NKAIN2: variants seen among roughly 807,000 people sequenced by gnomAD.
The protein encoded by NKAIN2 is sodium/potassium transporting ATPase interacting 2.
A neutral mutation model predicts 32.6 loss-of-function variants in NKAIN2; 14 were observed. The ratio of observed to expected loss-of-function variants is 0.43; its 90% CI spans 0.28 to 0.67. NKAIN2 has a LOEUF of 0.67. NKAIN2 is among the 30% of genes least tolerant of loss of function. The pLI is 0.17. For missense variants in NKAIN2, 198 were observed against 258.3 expected, an observed-to-expected ratio of 0.77 and a Z score of 1.60; for synonymous variants, 80 against 87.2, an observed-to-expected ratio of 0.92 and a Z score of 0.46.
chr6:124,610,040 C>T (rs1782635762), intron 3 of NKAIN2, among the ~76,000 whole-genome samples: 1 of 152,110 alleles, frequency 6.6e-6, no homozygotes, highest in South Asian at 2.1e-4. Context: ...TATTATCACT[C>T]ACGACCTCCT....
intron 4 of NKAIN2, among the ~76,000 whole-genome samples, chr6:124,676,339 A>AT (rs1376616611): frequency 6.6e-6 from 1 of 151,964 alleles, no homozygotes; most frequent in Non-Finnish European, 1.5e-5. Context: ...TTTTAGCTCC[A>AT]TTTTGTCTAT....
chr6:124,482,234 C>A (rs1777482480), intron 3 of NKAIN2, among the ~76,000 whole-genome samples: 2 of 152,122 alleles, frequency 1.3e-5, no homozygotes, highest in South Asian at 4.1e-4. Flanking sequence ...CTCTAACATT[C>A]TTTGTGAGCC....
chr6:124,112,563 T>C (rs139370282), intron 1 of NKAIN2, among the ~76,000 whole-genome samples: 2 of 152,256 alleles, frequency 1.3e-5, no homozygotes, highest in Non-Finnish European at 2.9e-5. Context: ...ATTTGTCTTA[T>C]TGATGTTCTT....
At chr6:124,649,071 C>G (rs1048236622) in intron 3 of NKAIN2, among the ~76,000 whole-genome samples, 1 of 151,692 alleles carries the variant, frequency 6.6e-6, no homozygotes, top group African/African-American at 2.4e-5. Context: ...ATTTATCACT[C>G]TAGGAAAAAA....
At chr6:124,341,384 A>G (rs984140324) in intron 2 of NKAIN2, among the ~76,000 whole-genome samples, 2 of 152,186 alleles carry the variant, frequency 1.3e-5, no homozygotes, top group African/African-American at 4.8e-5. Flanking sequence ...AACACATATT[A>G]AACCATATAT....
chr6:124,302,301 T>C (rs1221960564), intron 2 of NKAIN2, among the ~76,000 whole-genome samples: 1 of 152,260 alleles, frequency 6.6e-6, no homozygotes, highest in Admixed American at 6.5e-5. Flanking sequence ...CACAGGTATG[T>C]CTTTATTAGC....
At chr6:124,220,905 A>G (rs1259757241) in intron 1 of NKAIN2, among the ~76,000 whole-genome samples, 1 of 152,164 alleles carries the variant, frequency 6.6e-6, no homozygotes, top group East Asian at 1.9e-4. Flanking sequence ...ACGTATTTAG[A>G]TTCAAAATCT....
At chr6:124,332,656 G>T (rs965328869) in intron 2 of NKAIN2, among the ~76,000 whole-genome samples, 7 of 151,906 alleles carry the variant, frequency 4.6e-5, no homozygotes, top group Non-Finnish European at 1.0e-4. Context: ...GATACAAAAA[G>T]TAATCCCAGT....
chr6:124,687,338 TA>T (rs1447970336), intron 4 of NKAIN2, among the ~76,000 whole-genome samples: 1 of 136,778 alleles, frequency 7.3e-6, no homozygotes, highest in African/African-American at 2.6e-5. Flanking sequence ...ATTCCATACA[TA>T]TACATATAAT....
intron 3 of NKAIN2, among the ~76,000 whole-genome samples, chr6:124,580,740 G>T (rs533297427): frequency 3.3e-5 from 5 of 152,032 alleles, no homozygotes; most frequent in Admixed American, 6.6e-5. Context: ...AAAACAAGAC[G>T]CAGTGGTTTG....
chr6:124,108,712 T>A (rs1473216211), intron 1 of NKAIN2, among the ~76,000 whole-genome samples: 1 of 152,068 alleles, frequency 6.6e-6, no homozygotes, highest in Non-Finnish European at 1.5e-5. Context: ...TAAGTTGATT[T>A]TTGTCTATCA....
At chr6:124,675,975 G>A (rs1349905804) in intron 4 of NKAIN2, among the ~76,000 whole-genome samples, 1 of 151,806 alleles carries the variant, frequency 6.6e-6, no homozygotes, top group Non-Finnish European at 1.5e-5. Flanking sequence ...ACTGTAAACT[G>A]CTTTCTTCAT....
intron 5 of NKAIN2, among the ~76,000 whole-genome samples, chr6:124,805,234 G>GC (rs1780480448): frequency 6.6e-6 from 1 of 152,172 alleles, no homozygotes; most frequent in South Asian, 2.1e-4. Context: ...TAACTGGGAG[G>GC]CACCCCCCAG....
intron 1 of NKAIN2, among the ~76,000 whole-genome samples, chr6:124,235,654 A>C (rs1186369349): frequency 6.6e-6 from 1 of 151,174 alleles, no homozygotes. Context: ...ACTGGAGTGC[A>C]ATGGTGCGGT....
At chr6:124,275,451 C>T (rs1253277472) in intron 1 of NKAIN2, among the ~76,000 whole-genome samples, 2 of 149,210 alleles carry the variant, frequency 1.3e-5, no homozygotes, top group Non-Finnish European at 3.0e-5. Flanking sequence ...CCAATATTTT[C>T]TTGGAAAGCT....
intron 1 of NKAIN2, among the ~76,000 whole-genome samples, chr6:124,068,612 T>C (rs963933246): frequency 6.6e-6 from 1 of 151,912 alleles, no homozygotes; most frequent in Non-Finnish European, 1.5e-5. Flanking sequence ...TGAGGAGCTA[T>C]AGGAGAGCCT....
At chr6:124,556,517 T>G (rs1780482059) in intron 3 of NKAIN2, among the ~76,000 whole-genome samples, 1 of 152,160 alleles carries the variant, frequency 6.6e-6, no homozygotes, top group African/African-American at 2.4e-5. Context: ...ATGCTCTGTC[T>G]TATGTTCTTG....
At chr6:124,288,112 G>A (rs551965255) in intron 2 of NKAIN2, among the ~76,000 whole-genome samples, 1 of 152,090 alleles carries the variant, frequency 6.6e-6, no homozygotes, top group African/African-American at 2.4e-5. Flanking sequence ...ATAATTTCTT[G>A]TTTCTTACCA....
chr6:124,360,698 T>C (rs1352989857), intron 3 of NKAIN2, among the ~76,000 whole-genome samples: 1 of 152,138 alleles, frequency 6.6e-6, no homozygotes, highest in Non-Finnish European at 1.5e-5. Flanking sequence ...ATACATAAGA[T>C]GATAGGAGCA....
Sources: gnomAD v4.1 joint callset for allele counts (sites outside exome capture counted in the v4.1 genomes callset) on GRCh38, gnomAD v4.1.1 for gene constraint, MANE v1.5 for transcripts, NCBI Gene and HGNC (gene_info 2026-07-23, HGNC 2026-07-21) for gene names.